The following FGD3 variants were observed in gnomAD, a reference collection of about 807,000 sequenced individuals.
FGD3 encodes FYVE, RhoGEF and PH domain containing 3, also known as FYVE, RhoGEF and PH domain-containing protein 3.
FGD3 carries 45 observed loss-of-function variants against 71.8 expected under a neutral mutation model. The ratio of observed to expected loss-of-function variants is 0.63; its 90% CI spans 0.49 to 0.80. The LOEUF is 0.80. Ranked by LOEUF, FGD3 falls within the 30% of genes least tolerant of loss-of-function variation. The pLI is 0.00. For synonymous variants in FGD3, 378 were observed against 392.8 expected, an observed-to-expected ratio of 0.96 and a Z score of 0.44; for missense variants, 844 against 951.5, an observed-to-expected ratio of 0.89 and a Z score of 1.49.
At chr9:93,013,274 C>T (rs771122694) in intron 8 of FGD3, among the ~76,000 whole-genome samples, 5 of 152,228 alleles carry the variant, frequency 3.3e-5, no homozygotes, top group African/African-American at 9.6e-5. Context: ...GGTCCAAGGA[C>T]GGGGCTTCCA....
At chr9:92,953,609 T>G (rs1054073027) in intron 1 of FGD3, among the ~76,000 whole-genome samples, 1 of 152,068 alleles carries the variant, frequency 6.6e-6, no homozygotes, top group Non-Finnish European at 1.5e-5. Flanking sequence ...CATGTTGGGG[T>G]GAAGGGGCTC....
chr9:93,029,981 C>T lies in FGD3; in HGVS notation c.1665C>T (p.Cys555=), dbSNP rs1232826986. 1 of 1,612,794 alleles carries T rather than the reference C, an allele frequency of 6.2e-7. No individual in the cohort carries two copies. The highest frequency in any genetic ancestry group is 1.7e-5 in the Admixed American group (1 of 59,986). ...FNSITKRRHH[C]KLCGAVICGK... ...CCATCACCAAGAGGAGGCATCACTG[C>T]AAGCTGTGTGGGGCGGTGAGTCCCG... is the stretch of plus-strand genomic sequence containing the variant. The change falls in exon 15 of 18, where the codon TGC becomes TGT. Residue 555 remains cysteine, a synonymous_variant. Coordinates refer to ENST00000375482, the MANE Select transcript of FGD3 (RefSeq NM_001083536.2).
At position 93,018,352 on chromosome 9, in the gene FGD3, T is replaced by C. The variant is rs1861785165; in HGVS notation, c.1355+137T>C. 5 of 764,962 alleles carry C rather than the reference T, an allele frequency of 6.5e-6. No individual in the cohort carries two copies. In the South Asian group the frequency reaches 9.1e-5, roughly 14 times the overall value. 47.4% of individuals were successfully genotyped at this position (764,962 alleles called of 1,614,324 possible). On this transcript the variant is annotated intron_variant, in intron 11 of 17. Coordinates refer to ENST00000375482, the MANE Select transcript of FGD3 (RefSeq NM_001083536.2). The stretch of plus-strand genomic sequence containing the variant: ...CTGTTACTGAAGCACCAGGGTTCCG[T>C]CTATGTCCTGCGCTTGCTGCACAGA...
intron 1 of FGD3, among the ~76,000 whole-genome samples, chr9:92,967,695 C>T (rs1459611768): frequency 6.6e-6 from 1 of 152,214 alleles, no homozygotes; most frequent in Non-Finnish European, 1.5e-5. Flanking sequence ...CTGCCTCAGC[C>T]TCCCAAGTAG....
At chr9:92,972,459 A>C (rs1859573659) in intron 1 of FGD3, among the ~76,000 whole-genome samples, 1 of 152,008 alleles carries the variant, frequency 6.6e-6, no homozygotes, top group Non-Finnish European at 1.5e-5. Flanking sequence ...TCTCAAAAAA[A>C]AAAAAAAAAA....
chr9:92,971,221 GGT>G (rs375135690), intron 1 of FGD3, among the ~76,000 whole-genome samples: 16 of 152,168 alleles, frequency 1.1e-4, no homozygotes, highest in African/African-American at 3.6e-4. Context: ...CCATAACACA[GGT>G]GTTTGCAATA....
At chr9:92,954,957 G>C (rs982682894) in intron 1 of FGD3, among the ~76,000 whole-genome samples, 2 of 152,186 alleles carry the variant, frequency 1.3e-5, no homozygotes. Flanking sequence ...TGGAACTCAC[G>C]GTCTGCCTGG....
chr9:92,992,226 A>G (rs1860441996), intron 3 of FGD3, among the ~76,000 whole-genome samples: 1 of 151,590 alleles, frequency 6.6e-6, no homozygotes, highest in Non-Finnish European at 1.5e-5. Context: ...ATCCTTTGTT[A>G]CTTCTTCTCA....
chr9:92,960,426 G>T lies in FGD3; in HGVS notation c.-218+12697G>T, dbSNP rs183175754. Among the ~76,000 whole-genome samples, 22 of 152,252 alleles carry T rather than the reference G, an allele frequency of 1.4e-4. No homozygotes were observed. The East Asian group carries it at 3.9e-3, about 27-fold the overall frequency. ...AGAGTTTGCCTTATGCTGTGTGCTTGGTAAATATGAGCTGCCTTCCTCCTT... is the reference window on the plus strand; with the variant it reads ...AGAGTTTGCCTTATGCTGTGTGCTTTGTAAATATGAGCTGCCTTCCTCCTT... On this transcript the variant is annotated intron_variant, in intron 1 of 17. Coordinates refer to ENST00000375482, the MANE Select transcript of FGD3 (RefSeq NM_001083536.2).
intron 3 of FGD3, among the ~76,000 whole-genome samples, chr9:92,991,166 C>T (rs1469067329): frequency 6.6e-6 from 1 of 152,118 alleles, no homozygotes; most frequent in African/African-American, 2.4e-5. Context: ...GCAACCTCTG[C>T]CTCCCTAGCT....
intron 3 of FGD3, among the ~76,000 whole-genome samples, chr9:92,984,656 G>A (rs1341285109): frequency 6.6e-6 from 1 of 152,154 alleles, no homozygotes; most frequent in Admixed American, 6.6e-5. Flanking sequence ...AGATAAAGAT[G>A]AATTCAGAGG....
chr9:93,033,038 G>A (rs764958488), intron 16 of FGD3, 165 bp downstream of exon 16: 23 of 715,910 alleles, frequency 3.2e-5, no homozygotes, highest in Admixed American at 8.1e-5. Context: ...GAACACACTC[G>A]GAAGATCCCG....
chr9:93,008,859 T>C (rs1468938112), intron 6 of FGD3, among the ~76,000 whole-genome samples: 1 of 151,784 alleles, frequency 6.6e-6, no homozygotes, highest in East Asian at 1.9e-4. Flanking sequence ...TCCCAGCTAC[T>C]TGGGAGGCTG....
chr9:92,973,105 A>ATT (rs1859595050), intron 1 of FGD3, among the ~76,000 whole-genome samples: 2 of 115,380 alleles, frequency 1.7e-5, no homozygotes, highest in African/African-American at 7.2e-5. Context: ...TATGCCTGGT[A>ATT]ATTTTTTTTT....
At chr9:92,976,099 TTCGG>T in intron 2 of FGD3, 105 bp from the exon 3 acceptor site, 1 of 644,764 alleles carries the variant, frequency 1.6e-6, no homozygotes, top group Non-Finnish European at 2.6e-6. Flanking sequence ...GCTCCAGGCT[TTCGG>T]TGGGGGGCGG....
At chr9:93,029,022 T>G (rs1020466494) in intron 14 of FGD3, among the ~76,000 whole-genome samples, 16 of 131,590 alleles carry the variant, frequency 1.2e-4, no homozygotes, top group Admixed American at 2.3e-4. Context: ...TTTTTTTTTT[T>G]TTTTTTTTTT....
At chr9:93,017,859 G>A (rs373898721) in intron 10 of FGD3, among the ~76,000 whole-genome samples, 7 of 152,146 alleles carry the variant, frequency 4.6e-5, no homozygotes, top group African/African-American at 1.7e-4. Flanking sequence ...CGGGCTGGGT[G>A]TCGGGGGGGT....
At chr9:92,979,764 AC>A (rs939301141) in intron 3 of FGD3, among the ~76,000 whole-genome samples, 1 of 152,152 alleles carries the variant, frequency 6.6e-6, no homozygotes, top group African/African-American at 2.4e-5. Context: ...GATCTTTATT[AC>A]TAATTCAATC....
At chr9:93,002,631 C>T (rs1447933718) in intron 3 of FGD3, among the ~76,000 whole-genome samples, 2 of 152,134 alleles carry the variant, frequency 1.3e-5, no homozygotes, top group African/African-American at 2.4e-5. Context: ...TGTTGTTAAC[C>T]TTATGTCTCT....
Sources: allele counts gnomAD v4.1 joint callset (sites outside exome capture counted in the v4.1 genomes callset), GRCh38; gene constraint gnomAD v4.1.1; transcripts MANE v1.5; gene names NCBI Gene and HGNC (gene_info 2026-07-23, HGNC 2026-07-21).